PRKN: variants seen among roughly 807,000 people sequenced by gnomAD.
PRKN encodes E3 ubiquitin-protein ligase parkin.
PRKN carries 56 observed loss-of-function variants against 59.5 expected under a neutral mutation model. The ratio of observed to expected loss-of-function variants is 0.94; its 90% CI spans 0.76 to 1.18. The LOEUF is 1.18. PRKN is among the 50% of genes most tolerant of loss of function. PRKN has a pLI of 0.00. For synonymous variants in PRKN, 250 were observed against 222.1 expected (o/e 1.13, Z -1.12); for missense variants, 657 against 596.4 (o/e 1.10, Z -1.06).
chr6:161,519,286 G>A (rs1247105710), intron 9 of PRKN, among the ~76,000 whole-genome samples: 1 of 152,042 alleles, frequency 6.6e-6, no homozygotes, highest in African/African-American at 2.4e-5. Flanking sequence ...CTGCATAAAG[G>A]GCCCATTTCC....
At chr6:161,500,563 CTT>C (rs1777922938) in intron 9 of PRKN, among the ~76,000 whole-genome samples, 1 of 152,170 alleles carries the variant, frequency 6.6e-6, no homozygotes, top group African/African-American at 2.4e-5. Context: ...AGTATGTAGT[CTT>C]TTCAGATTGG....
At chr6:162,301,111 TA>T (rs575570327) in intron 2 of PRKN, among the ~76,000 whole-genome samples, 9 of 151,688 alleles carry the variant, frequency 5.9e-5, no homozygotes, top group East Asian at 1.9e-4. Context: ...TATATCAACA[TA>T]AAAAAAAGGC....
chr6:162,118,755 C>T (rs188915065), intron 4 of PRKN, among the ~76,000 whole-genome samples: 2 of 152,184 alleles, frequency 1.3e-5, no homozygotes, highest in Non-Finnish European at 2.9e-5. Context: ...AAAAAGCCTA[C>T]GATTCTCTGA....
At chr6:161,733,379 T>C (rs913050346) in intron 7 of PRKN, among the ~76,000 whole-genome samples, 1 of 152,186 alleles carries the variant, frequency 6.6e-6, no homozygotes, top group Non-Finnish European at 1.5e-5. Context: ...AACCTTAACT[T>C]AGAATCCTCC....
intron 6 of PRKN, among the ~76,000 whole-genome samples, chr6:161,795,231 T>TTC (rs1554307980): frequency 1.2e-4 from 17 of 147,284 alleles, no homozygotes; most frequent in South Asian, 1.1e-3. Flanking sequence ...TTCTTTTCTT[T>TTC]TTTTTTTTTT....
chr6:162,241,513 T>G (rs1209027272), intron 3 of PRKN, among the ~76,000 whole-genome samples: 1 of 152,084 alleles, frequency 6.6e-6, no homozygotes, highest in Non-Finnish European at 1.5e-5. Context: ...GTGGTTAAAG[T>G]GTTTTAAGAC....
At position 162,365,691 on chromosome 6, in the gene PRKN, G is replaced by T. The variant is rs1192844547; in HGVS notation, c.171+77619C>A. ...GCTCCAAGGTTACTTCCTTGGTGAG[G>T]TCTTTCTAGAGCTCCTGTTCTACAC... On this transcript the variant is annotated intron_variant, in intron 2 of 11. Transcript: ENST00000366898. Among the ~76,000 whole-genome samples, 3 of 152,156 alleles carry T rather than the reference G, an allele frequency of 2.0e-5. No homozygotes were observed. In the South Asian group the frequency reaches 6.3e-4, roughly 32 times the overall value.
rs543614151 is a variant in PRKN, at chr6:162,388,332, C to T, written c.171+54978G>A. ...GCACAAGGAAAGCTCCAATCGTCAT[C>T]TTTCATTTCTATCAAGAGTGACACT... On this transcript the variant is annotated intron_variant, in intron 2 of 11. Transcript: ENST00000366898. 2.6e-5 allele frequency among the ~76,000 whole-genome samples: 4 copies of T among 152,266 alleles called. No individual in the cohort carries two copies. The East Asian group carries it at 7.7e-4, about 29-fold the overall frequency.
At chr6:161,883,636 ATTAAT>A (rs1025200306) in intron 6 of PRKN, among the ~76,000 whole-genome samples, 3 of 151,802 alleles carry the variant, frequency 2.0e-5, no homozygotes, top group Non-Finnish European at 4.4e-5. Context: ...ATGATTTTTT[ATTAAT>A]TTATTTTTAT....
chr6:161,512,292 A>AC (rs11294530), intron 9 of PRKN, among the ~76,000 whole-genome samples: 125 of 146,572 alleles, frequency 8.5e-4, no homozygotes, highest in African/African-American at 2.9e-3. Context: ...TAAGGAAATG[A>AC]CCCCCCCCTG....
rs1403958678 is a variant in PRKN at position 161,417,266 on chromosome 6, AT to A, written c.1084-30390del. ...AGAGATCAAGACCATTCTGGTCAAC[AT>A]GGTGAAACCCTGTCTCTACTAAAAA... On this transcript the variant is annotated intron_variant, in intron 9 of 11. Coordinates refer to ENST00000366898, the MANE Select transcript of PRKN (RefSeq NM_004562.3). The surrounding 1 kb of genome is among the most constrained non-coding windows in gnomAD (Gnocchi z 5.4). 8.5e-5 allele frequency among the ~76,000 whole-genome samples: 13 copies of A among 152,168 alleles called. No homozygotes were observed. The highest frequency in any genetic ancestry group is 1.3e-4 in the Non-Finnish European group (9 of 68,032).
chr6:161,959,308 C>A (rs770265884), intron 6 of PRKN, among the ~76,000 whole-genome samples: 1 of 152,086 alleles, frequency 6.6e-6, no homozygotes, highest in Non-Finnish European at 1.5e-5. Flanking sequence ...AGAGGCTGAG[C>A]GAGCTGGGGA....
intron 2 of PRKN, among the ~76,000 whole-genome samples, chr6:162,415,670 A>G (rs1788592659): frequency 6.6e-6 from 1 of 152,066 alleles, no homozygotes; most frequent in Non-Finnish European, 1.5e-5. Context: ...TACAAAAATT[A>G]GCTGGACCTG....
At chr6:162,327,951 G>C (rs1046450233) in intron 2 of PRKN, among the ~76,000 whole-genome samples, 18 of 152,232 alleles carry the variant, frequency 1.2e-4, no homozygotes, top group South Asian at 2.1e-4. Flanking sequence ...CTGCGGGCTT[G>C]GATCACAGAC....
At chr6:161,491,397 A>G (rs1384256407) in intron 9 of PRKN, among the ~76,000 whole-genome samples, 1 of 152,208 alleles carries the variant, frequency 6.6e-6, no homozygotes, top group Non-Finnish European at 1.5e-5. Flanking sequence ...CTGGCTGAAC[A>G]TCGTTTGTTG....
rs77590257 is a variant in PRKN at position 162,374,107 on chromosome 6, C to T, written c.171+69203G>A. 3.3e-3 allele frequency among the ~76,000 whole-genome samples: 504 copies of T among 152,312 alleles called. 7 individuals are homozygous for T. The highest frequency in any genetic ancestry group is 0.024 in the East Asian group (124 of 5,192). ...AAAACTTTAGGCCAGACTTAAAATA[C>T]GCAAGGAGGCAGCTTAGGCTAAATT... On this transcript the variant is annotated intron_variant, in intron 2 of 11. Transcript: ENST00000366898.
chr6:162,403,742 G>C (rs962309688), intron 2 of PRKN, among the ~76,000 whole-genome samples: 1 of 152,182 alleles, frequency 6.6e-6, no homozygotes, highest in Non-Finnish European at 1.5e-5. Context: ...CTCAAAGTTT[G>C]GATGGGATTG....
At chr6:161,793,728 C>T (rs1790728114) in intron 6 of PRKN, among the ~76,000 whole-genome samples, 2 of 152,110 alleles carry the variant, frequency 1.3e-5, no homozygotes, top group African/African-American at 4.8e-5. Context: ...GCTCATGGCT[C>T]AGTGCATCCA....
At chr6:161,838,588 G>A (rs1438857039) in intron 6 of PRKN, among the ~76,000 whole-genome samples, 2 of 152,176 alleles carry the variant, frequency 1.3e-5, no homozygotes, top group African/African-American at 4.8e-5. Flanking sequence ...CCCAGGTCTC[G>A]CAAATACAAG....
Sources: gnomAD v4.1 joint callset for allele counts (sites outside exome capture counted in the v4.1 genomes callset) on GRCh38, gnomAD v4.1.1 for gene constraint, Gnocchi (gnomAD v3.1) non-coding constraint, MANE v1.5 for transcripts, NCBI Gene and HGNC (gene_info 2026-07-23, HGNC 2026-07-21) for gene names.